The following NAV3 variants were observed in gnomAD, a reference collection of about 807,000 sequenced individuals.
The protein encoded by NAV3 is neuron navigator 3.
A neutral mutation model predicts 244.7 loss-of-function variants in NAV3; 87 were observed. The observed-to-expected ratio is 0.36, with a 90% CI of 0.30 to 0.42. The LOEUF (loss-of-function observed/expected upper bound fraction) is 0.42, where lower values mean the gene tolerates loss of function less well. NAV3 is among the 20% of genes least tolerant of loss of function. The pLI is 1.00. For missense variants in NAV3, 2,663 were observed against 2,893.3 expected, an observed-to-expected ratio of 0.92 and a Z score of 1.83; for synonymous variants, 1,126 against 1,042.2, an observed-to-expected ratio of 1.08 and a Z score of -1.55.
In NAV3 at chr12:78,210,599, G is replaced by A. The variant is rs553670685; in HGVS notation, c.*82G>A. On this transcript the variant is annotated 3_prime_UTR_variant, in exon 40 of 40. Coordinates refer to ENST00000397909, the MANE Select transcript of NAV3 (RefSeq NM_001024383.2). Reference sequence around the variant, plus strand: ...AGGTATTTTCACTAAACCACTGCCAGTATAAAAGCACCCTGTCAAGGGCCC... The same window carrying A: ...AGGTATTTTCACTAAACCACTGCCAATATAAAAGCACCCTGTCAAGGGCCC... The A allele has an allele frequency of 1.2e-4, 177 of 1,510,934 alleles. No individual in the cohort carries two copies. The South Asian group carries it at 2.2e-3, about 19-fold the overall frequency. The allele number at this position is 1,510,934 out of a possible 1,614,324, so 93.6% of individuals were successfully genotyped here. A position where few individuals can be genotyped will look rare whatever the true frequency, so the allele number is the denominator to read the frequency against.
intron 8 of NAV3, 107 bp downstream of exon 8, chr12:78,007,552 G>A (rs760598884): frequency 4.8e-6 from 6 of 1,242,096 alleles, no homozygotes; most frequent in Non-Finnish European, 5.5e-6. Context: ...CGTCATTTTG[G>A]AGTAAAGTTT....
chr12:78,121,103 G>A (rs113377574), intron 15 of NAV3, among the ~76,000 whole-genome samples: 1,762 of 152,092 alleles, frequency 0.012, 12 homozygotes, highest in Non-Finnish European at 0.016. Context: ...TCTCATATTC[G>A]TCATAAAATA....
intron 2 of NAV3, among the ~76,000 whole-genome samples, chr12:77,802,163 A>T (rs1185057162): frequency 1.3e-5 from 2 of 152,226 alleles, no homozygotes; most frequent in Admixed American, 6.5e-5. Context: ...GAATGTAAGA[A>T]ATAATTACAG....
At chr12:77,821,294 C>A (rs17044297) in intron 2 of NAV3, among the ~76,000 whole-genome samples, 2,168 of 152,202 alleles carry the variant, frequency 0.014, 32 homozygotes, top group African/African-American at 0.038. Flanking sequence ...TTACAGGCAG[C>A]AATTACTTTA....
Position 77,920,227 on chromosome 12 carries a change from T to C in NAV3, c.244-20092T>C, listed in dbSNP as rs139952231. 8.5e-5 allele frequency among the ~76,000 whole-genome samples: 13 copies of C among 152,186 alleles called. No homozygotes were observed. The East Asian group carries it at 2.5e-3, about 29-fold the overall frequency. On this transcript the variant is annotated intron_variant, in intron 1 of 39. Transcript: ENST00000397909. ...TGTGTTGTTTTAGGAGTCACATTAGTGTGTTCTAAACCCCATAATTAAAAT... is the reference window on the plus strand; with the variant it reads ...TGTGTTGTTTTAGGAGTCACATTAGCGTGTTCTAAACCCCATAATTAAAAT...
intron 18 of NAV3, among the ~76,000 whole-genome samples, chr12:78,131,203 T>A (rs750647781): frequency 3.3e-5 from 5 of 152,216 alleles, no homozygotes; most frequent in Non-Finnish European, 7.3e-5. Flanking sequence ...GACTCAAGGC[T>A]ATGTCTTTTC....
intron 2 of NAV3, among the ~76,000 whole-genome samples, chr12:77,824,293 A>G (rs934451195): frequency 1.7e-4 from 22 of 127,638 alleles, no homozygotes; most frequent in African/African-American, 6.6e-4. Context: ...GGGTTTCACC[A>G]TGTTGCCCAG....
At chr12:77,930,321 A>G (rs1281507409) in intron 1 of NAV3, among the ~76,000 whole-genome samples, 1 of 152,136 alleles carries the variant, frequency 6.6e-6, no homozygotes, top group East Asian at 1.9e-4. Flanking sequence ...CCAGACTAAT[A>G]CTAGCCTAGG....
At position 77,917,621 on chromosome 12, in the gene NAV3, C is replaced by A. The variant is rs190817024; in HGVS notation, c.244-22698C>A. On this transcript the variant is annotated intron_variant, in intron 1 of 39. Coordinates refer to ENST00000397909, the MANE Select transcript of NAV3 (RefSeq NM_001024383.2). ...GTTTGCCCTCCTTGCATTCACCGAC[C>A]TTCTCTTGAAAGCTATATTTTAATT... Among the ~76,000 whole-genome samples, 141 of 152,052 alleles carry A rather than the reference C, an allele frequency of 9.3e-4. 1 individual carries two copies. The Middle Eastern group carries it at 0.01, about 11-fold the overall frequency.
At chr12:77,939,613 T>C (rs1348961586) in intron 1 of NAV3, among the ~76,000 whole-genome samples, 1 of 152,106 alleles carries the variant, frequency 6.6e-6, no homozygotes, top group Non-Finnish European at 1.5e-5. Context: ...TTTTGTAGAG[T>C]TTCAGCTTTT....
intron 3 of NAV3, 94 bp from the exon 4 acceptor site, chr12:77,966,135 C>T (rs1892490894): frequency 9.6e-7 from 1 of 1,041,426 alleles, no homozygotes; most frequent in Non-Finnish European, 1.5e-6. Flanking sequence ...GTAAACTATT[C>T]ATTCTTTATC....
intron 1 of NAV3, among the ~76,000 whole-genome samples, chr12:77,890,402 C>G (rs1883794257): frequency 6.6e-6 from 1 of 152,288 alleles, no homozygotes; most frequent in East Asian, 1.9e-4. Context: ...AGGCATGAAC[C>G]ACTGTACCAG....
intron 25 of NAV3, 87 bp downstream of exon 25, chr12:78,175,514 T>C: frequency 1.3e-6 from 2 of 1,509,364 alleles, no homozygotes; most frequent in Non-Finnish European, 1.8e-6. Flanking sequence ...TGATCTGCAG[T>C]AGTTTACAAA....
intron 9 of NAV3, among the ~76,000 whole-genome samples, chr12:78,024,530 A>C (rs1200858313): frequency 6.6e-6 from 1 of 152,188 alleles, no homozygotes; most frequent in Non-Finnish European, 1.5e-5. Flanking sequence ...CACTGTCATC[A>C]CATCTACCCA....
At chr12:77,836,480 AT>A (rs1264135883) in intron 1 of NAV3, among the ~76,000 whole-genome samples, 1 of 152,148 alleles carries the variant, frequency 6.6e-6, no homozygotes, top group Non-Finnish European at 1.5e-5. Context: ...CAAGCCTTGT[AT>A]TTTATAGAAA....
chr12:78,112,720 A>G (rs544753375), intron 12 of NAV3, among the ~76,000 whole-genome samples: 1 of 152,126 alleles, frequency 6.6e-6, no homozygotes. Flanking sequence ...GGACACAGCC[A>G]CACCATTTCA....
chr12:78,020,644 T>C (rs1231526043), intron 8 of NAV3, among the ~76,000 whole-genome samples: 1 of 152,192 alleles, frequency 6.6e-6, no homozygotes, highest in Non-Finnish European at 1.5e-5. Flanking sequence ...TCTAGGACTG[T>C]CAGTTAAATA....
At chr12:78,201,039 CTCTCTCTCTTTCTT>C (rs1959625067) in intron 38 of NAV3, among the ~76,000 whole-genome samples, 1 of 126,948 alleles carries the variant, frequency 7.9e-6, no homozygotes, top group African/African-American at 2.9e-5. Flanking sequence ...CTCTCTTTCT[CTCTCTCTCTTTCTT>C]TCTTTGTTTC....
rs780152378 is a variant in NAV3 at position 78,185,677 on chromosome 12, C to T, written c.5769C>T (p.Ser1923=). 6.2e-7 allele frequency: 1 copy of T among 1,608,082 alleles called. No individual in the cohort carries two copies. The highest frequency in any genetic ancestry group is 1.1e-5 in the South Asian group (1 of 90,888). Residue 1923 remains serine (S), a synonymous_variant, in exon 31 of 40, where the codon AGC becomes AGT. Coordinates refer to ENST00000397909, the MANE Select transcript of NAV3 (RefSeq NM_001024383.2). ...GTGTGAAAATTATAGTCTCCATAAG[C>T]AAGGGCTATGGTCGAGCAAAGGTAC... ...GRSVKIIVSI[S]KGYGRAKDQK...
Sources: allele counts gnomAD v4.1 joint callset (sites outside exome capture counted in the v4.1 genomes callset), GRCh38; gene constraint gnomAD v4.1.1; transcripts MANE v1.5; gene names NCBI Gene and HGNC (gene_info 2026-07-23, HGNC 2026-07-21).